The following MAP3K21 variants were observed in gnomAD, a reference collection of about 807,000 sequenced individuals.
The protein encoded by MAP3K21 is mitogen-activated protein kinase kinase kinase 21, also known as mitogen-activated protein kinase kinase kinase MLK4.
In MAP3K21, 63 loss-of-function variants were observed where a neutral mutation model predicts 86.1. That is an observed-to-expected ratio of 0.73 (90% CI 0.60 to 0.90). MAP3K21 has a LOEUF of 0.90. Ranked by LOEUF, MAP3K21 falls within the 40% of genes least tolerant of loss-of-function variation. The probability of loss-of-function intolerance (pLI) is 0.00; values close to 1 mark genes in which losing one functional copy is unlikely to be tolerated. For synonymous variants in MAP3K21, 558 were observed against 564.8 expected (o/e 0.99, Z 0.17); for missense variants, 1,220 against 1,367.7 (o/e 0.89, Z 1.70).
intron 1 of MAP3K21, among the ~76,000 whole-genome samples, chr1:233,339,003 C>T (rs1022417849): frequency 3.0e-4 from 46 of 152,066 alleles, no homozygotes; most frequent in African/African-American, 1.0e-3. Context: ...GGACTGAGTC[C>T]TCGTAGTCTC....
intron 2 of MAP3K21, among the ~76,000 whole-genome samples, chr1:233,352,848 C>T (rs979474782): frequency 1.2e-4 from 19 of 152,180 alleles, no homozygotes; most frequent in African/African-American, 3.6e-4. Context: ...AAGATATCTG[C>T]GTGTACTTTA....
chr1:233,332,007 G>C (rs1199082979), intron 1 of MAP3K21, among the ~76,000 whole-genome samples: 1 of 152,080 alleles, frequency 6.6e-6, no homozygotes, highest in Non-Finnish European at 1.5e-5. Context: ...CTACCTATAG[G>C]CACCCCCCAG....
At chr1:233,354,046 A>G (rs1663302028) in intron 3 of MAP3K21, 91 bp downstream of exon 3, 8 of 1,310,840 alleles carry the variant, frequency 6.1e-6, no homozygotes, top group Non-Finnish European at 8.0e-6. Context: ...ATTTTCTGTG[A>G]CTCTAATTTC....
Position 233,379,555 on chromosome 1 carries a change from C to T in MAP3K21, c.2549C>T (p.Ala850Val), listed in dbSNP as rs1252604624. 2.5e-6 allele frequency: 4 copies of T among 1,614,076 alleles called. No individual in the cohort carries two copies. Among genetic ancestry groups the T allele is most frequent in the South Asian group, 1.1e-5 (1 of 91,080 alleles). ...GCCCCAGGAAGTGGTCGTGAGCCAG[C>T]CCTCATGCCAAGACTTGACACTGAT... is the stretch of plus-strand genomic sequence containing the variant. ...PTAPGSGREP[A>V]LMPRLDTDCS... The change falls in exon 9 of 10, where the codon GCC becomes GTC. Residue 850 changes from alanine (A) to valine (V), a missense_variant. Coordinates refer to ENST00000366624, the MANE Select transcript of MAP3K21 (RefSeq NM_032435.3).
In MAP3K21 at chr1:233,354,955, G is replaced by A. The variant is rs146980221; in HGVS notation, c.1255G>A (p.Asp419Asn). The change falls in exon 4 of 10, where the codon GAT becomes AAT. Residue 419 changes from aspartate to asparagine, a missense_variant. Transcript: ENST00000366624. ...TCAAGAATCTTTTCATTCCATGCAA[G>A]ATGACTGGAAACTAGAAATTCAACA... ...MPQESFHSMQ[D>N]DWKLEIQQMF... 1.1e-3 allele frequency: 1,697 copies of A among 1,613,940 alleles called. No homozygotes were observed. Among genetic ancestry groups the A allele is most frequent in the Non-Finnish European group, 1.3e-3 (1,567 of 1,179,814 alleles).
At chr1:233,357,368 C>T (rs975194786) in intron 4 of MAP3K21, among the ~76,000 whole-genome samples, 1 of 149,880 alleles carries the variant, frequency 6.7e-6, no homozygotes, top group South Asian at 2.1e-4. Flanking sequence ...GAAACCTGCA[C>T]GTTGTGCACA....
At position 233,327,945 on chromosome 1, in the gene MAP3K21, C is replaced by T; in HGVS notation, c.-84C>T. On this transcript the variant is annotated 5_prime_UTR_variant, in exon 1 of 10. Coordinates refer to ENST00000366624, the MANE Select transcript of MAP3K21 (RefSeq NM_032435.3). ...CTCGCCTTCCCCCGGCGCCGACGGCCACACCGCCGGACGATGCGCGCCCGC... is the reference window on the plus strand; with the variant it reads ...CTCGCCTTCCCCCGGCGCCGACGGCTACACCGCCGGACGATGCGCGCCCGC... The T allele has an allele frequency of 8.8e-7, 1 of 1,132,142 alleles. No individual in the cohort carries two copies. Among genetic ancestry groups the T allele is most frequent in the Non-Finnish European group, 1.1e-6 (1 of 900,866 alleles). The allele number at this position is 1,132,142 out of a possible 1,614,324, so 70.1% of individuals were successfully genotyped here.
chr1:233,353,764 A>G, intron 2 of MAP3K21, 43 bp from the exon 3 acceptor site: 3 of 1,474,154 alleles, frequency 2.0e-6, no homozygotes, highest in Non-Finnish European at 2.7e-6. Context: ...TAAGGAAAAG[A>G]CACTGTTTAG....
intron 2 of MAP3K21, among the ~76,000 whole-genome samples, chr1:233,346,861 G>C (rs1226247245): frequency 6.6e-6 from 1 of 152,174 alleles, no homozygotes; most frequent in African/African-American, 2.4e-5. Context: ...GTTAAAACTG[G>C]TTATAATTTG....
intron 1 of MAP3K21, among the ~76,000 whole-genome samples, chr1:233,333,616 T>C (rs1662853990): frequency 6.6e-6 from 1 of 150,956 alleles, no homozygotes. Context: ...AAATAGGCAA[T>C]GTCTTATTTT....
At chr1:233,375,242 C>T (rs1381793466) in intron 6 of MAP3K21, among the ~76,000 whole-genome samples, 2 of 151,970 alleles carry the variant, frequency 1.3e-5, no homozygotes, top group East Asian at 1.9e-4. Flanking sequence ...GCGCCTGGCC[C>T]CAAATCACTT....
rs1663323487 is a variant in MAP3K21 at position 233,355,002 on chromosome 1, A to G, written c.1302A>G (p.Thr434=). The change falls in exon 4 of 10, where the codon ACA becomes ACG. Residue 434 remains threonine, a synonymous_variant. Transcript: ENST00000366624. ...EIQQMFDELR[T]KEKELRSREE... The stretch of plus-strand genomic sequence containing the variant: ...AACAAATGTTTGATGAGTTGAGAAC[A>G]AAGGAAAAGGTGAGAGAAATTTTTA... 1.2e-6 allele frequency: 2 copies of G among 1,608,244 alleles called. No homozygotes were observed. Among genetic ancestry groups the G allele is most frequent in the Non-Finnish European group, 8.5e-7 (1 of 1,176,674 alleles).
At chr1:233,378,483 T>A (rs1169424466) in intron 8 of MAP3K21, among the ~76,000 whole-genome samples, 1 of 152,198 alleles carries the variant, frequency 6.6e-6, no homozygotes, top group African/African-American at 2.4e-5. Context: ...CTTTGAGAAC[T>A]GCTGATCTGC....
chr1:233,331,048 A>G (rs1662801627), intron 1 of MAP3K21, among the ~76,000 whole-genome samples: 1 of 152,206 alleles, frequency 6.6e-6, no homozygotes, highest in Non-Finnish European at 1.5e-5. Context: ...AATAATAACT[A>G]TGGCCGAACA....
intron 1 of MAP3K21, among the ~76,000 whole-genome samples, chr1:233,342,568 T>C (rs1663055044): frequency 6.6e-6 from 1 of 152,258 alleles, no homozygotes; most frequent in Non-Finnish European, 1.5e-5. Context: ...AAGTAGCTTG[T>C]ACATAGCTTT....
intron 2 of MAP3K21, 24 bp from the exon 3 acceptor site, chr1:233,353,783 G>A (rs7549137): frequency 0.41 from 633,421 of 1,542,340 alleles, 133,142 homozygotes; most frequent in Admixed American, 0.6. Flanking sequence ...AGCCCATTGA[G>A]CATATGAAAT....
chr1:233,373,709 A>G (rs1372486557), intron 6 of MAP3K21: 1 of 152,212 alleles, frequency 6.6e-6, no homozygotes, highest in Non-Finnish European at 1.5e-5. Context: ...TGACAGCCTC[A>G]TTGAGTGGAC....
chr1:233,344,133 A>G (rs1197774125), intron 1 of MAP3K21, among the ~76,000 whole-genome samples: 1 of 152,340 alleles, frequency 6.6e-6, no homozygotes, highest in South Asian at 2.1e-4. Flanking sequence ...AAGAGTCAAA[A>G]TCATGAAAAT....
chr1:233,328,224 G>A lies in MAP3K21; in HGVS notation c.196G>A (p.Glu66Lys). ...ELSLRRGQLVEVLSQDAAVSG... is the reference protein window; with the variant it reads ...ELSLRRGQLVKVLSQDAAVSG... ...GAGCCTGCGGCGCGGCCAGCTGGTG[G>A]AGGTGCTGTCGCAGGACGCCGCCGT... Residue 66 changes from glutamate (E) to lysine (K), a missense_variant, in exon 1 of 10, where the codon GAG (glutamate) becomes AAG (lysine). Transcript: ENST00000366624. The surrounding 1 kb of genome is among the most constrained non-coding windows in gnomAD (Gnocchi z 8.7). 6.7e-7 allele frequency: 1 copy of A among 1,490,844 alleles called. No individual in the cohort carries two copies. Among genetic ancestry groups the A allele is most frequent in the Non-Finnish European group, 8.9e-7 (1 of 1,128,736 alleles). The allele number at this position is 1,490,844 out of a possible 1,614,324, so 92.4% of individuals were successfully genotyped here.
Sources: gnomAD v4.1 joint callset for allele counts (sites outside exome capture counted in the v4.1 genomes callset) on GRCh38, gnomAD v4.1.1 for gene constraint, Gnocchi (gnomAD v3.1) non-coding constraint, MANE v1.5 for transcripts, NCBI Gene and HGNC (gene_info 2026-07-23, HGNC 2026-07-21) for gene names.